The following NRXN3 variants were observed in gnomAD, a reference collection of about 807,000 sequenced individuals.
NRXN3 encodes the protein neurexin 3.
NRXN3 carries 32 observed loss-of-function variants against 137.6 expected under a neutral mutation model. The observed-to-expected ratio is 0.23, with a 90% CI of 0.18 to 0.31. The LOEUF is 0.31. Among genes scored for constraint, NRXN3 ranks in the 10% least tolerant of loss-of-function variants. The pLI, the probability that NRXN3 is intolerant of heterozygous loss-of-function variation, is 1.00. For synonymous variants in NRXN3, 798 were observed against 784.5 expected (o/e 1.02, Z -0.29); for missense variants, 1,574 against 2,062.5 (o/e 0.76, Z 4.59).
chr14:79,570,027 T>G (rs1295958274), intron 16 of NRXN3, among the ~76,000 whole-genome samples: 1 of 152,180 alleles, frequency 6.6e-6, no homozygotes, highest in Non-Finnish European at 1.5e-5. Context: ...AAAGCATTAA[T>G]TCTTGTCATT....
intron 10 of NRXN3, among the ~76,000 whole-genome samples, chr14:78,830,296 A>T (rs1438840912): frequency 3.9e-5 from 6 of 152,088 alleles, no homozygotes; most frequent in African/African-American, 1.4e-4. Flanking sequence ...CAAACTGGTG[A>T]TATCTTAATT....
intron 4 of NRXN3, among the ~76,000 whole-genome samples, chr14:78,320,361 A>T (rs746516426): frequency 1.5e-4 from 23 of 152,222 alleles, no homozygotes; most frequent in Non-Finnish European, 2.9e-4. Flanking sequence ...TTATTTCATC[A>T]CTGGGGTCCT....
intron 8 of NRXN3, among the ~76,000 whole-genome samples, chr14:78,797,659 A>G (rs1193265776): frequency 6.6e-6 from 1 of 152,204 alleles, no homozygotes; most frequent in Non-Finnish European, 1.5e-5. Context: ...GAGTTGGCAG[A>G]AGATAAAATA....
At chr14:78,645,460 T>C (rs1255397854) in intron 5 of NRXN3, 39 bp downstream of exon 5, 1 of 1,512,942 alleles carries the variant, frequency 6.6e-7, no homozygotes, top group Non-Finnish European at 8.8e-7. Flanking sequence ...AAGGCTCATC[T>C]TAGGTGGCTG....
At chr14:79,843,730 C>G (rs1217307892) in intron 20 of NRXN3, among the ~76,000 whole-genome samples, 2 of 152,168 alleles carry the variant, frequency 1.3e-5, no homozygotes, top group Admixed American at 1.3e-4. Flanking sequence ...CCATAAGAAG[C>G]AACTCCTTAA....
chr14:78,621,689 G>A (rs934523820), intron 4 of NRXN3, among the ~76,000 whole-genome samples: 19 of 152,232 alleles, frequency 1.2e-4, no homozygotes, highest in African/African-American at 4.6e-4. Flanking sequence ...TTGTACATAA[G>A]TACTGTCGTC....
intron 4 of NRXN3, among the ~76,000 whole-genome samples, chr14:78,626,285 G>A (rs1456974514): frequency 6.6e-6 from 1 of 152,152 alleles, no homozygotes; most frequent in Non-Finnish European, 1.5e-5. Context: ...GGATTGCACT[G>A]CAAATATGTC....
intron 16 of NRXN3, among the ~76,000 whole-genome samples, chr14:79,518,284 T>C (rs1245220721): frequency 1.3e-5 from 2 of 152,134 alleles, no homozygotes; most frequent in Non-Finnish European, 2.9e-5. Flanking sequence ...TGTTAGCATA[T>C]GTATATATAA....
chr14:78,446,582 T>C lies in NRXN3; in HGVS notation c.757+148722T>C, dbSNP rs2094426472. Among the ~76,000 whole-genome samples, 3 of 152,364 alleles carry C rather than the reference T, an allele frequency of 2.0e-5. No individual in the cohort carries two copies. In the South Asian group the frequency reaches 6.2e-4, roughly 32 times the overall value. ...ACTTAGTAGACATTAATTGATGTTG[T>C]TGCTACTGTGTTCACATTTGATAGT... is the stretch of plus-strand genomic sequence containing the variant. On this transcript the variant is annotated intron_variant, in intron 4 of 20. Coordinates refer to ENST00000335750, the MANE Select transcript of NRXN3 (RefSeq NM_001330195.2).
At chr14:79,634,622 C>T (rs995722994) in intron 16 of NRXN3, among the ~76,000 whole-genome samples, 26 of 152,118 alleles carry the variant, frequency 1.7e-4, no homozygotes, top group African/African-American at 5.3e-4. Flanking sequence ...AGACTCAAAG[C>T]GGTTAAGGGA....
chr14:79,040,349 G>A (rs1227558820), intron 15 of NRXN3, among the ~76,000 whole-genome samples: 4 of 152,214 alleles, frequency 2.6e-5, no homozygotes, highest in Non-Finnish European at 5.9e-5. Context: ...TACTTCTAAC[G>A]CTAAGAAAAG....
chr14:78,590,252 G>A (rs529514397), intron 4 of NRXN3, among the ~76,000 whole-genome samples: 65 of 152,304 alleles, frequency 4.3e-4, no homozygotes, highest in African/African-American at 1.3e-3. Flanking sequence ...CATGGGGCCT[G>A]TAGAAGTAAT....
At position 78,437,497 on chromosome 14, in the gene NRXN3, C is replaced by T. The variant is rs570823178; in HGVS notation, c.757+139637C>T. Among the ~76,000 whole-genome samples the T allele has an allele frequency of 5.9e-5, 9 of 152,146 alleles. No homozygotes were observed. In the South Asian group the frequency reaches 8.3e-4, roughly 14 times the overall value. ...CTGAGTAGCTGGGATTACAGGCATG[C>T]GCCATGATGCCCGGCTAAGTTTTGT... On this transcript the variant is annotated intron_variant, in intron 4 of 20. Transcript: ENST00000335750.
intron 19 of NRXN3, among the ~76,000 whole-genome samples, chr14:79,736,440 T>C (rs1412588217): frequency 6.6e-6 from 1 of 152,178 alleles, no homozygotes; most frequent in African/African-American, 2.4e-5. Flanking sequence ...TGCTTGAAGA[T>C]GGTTTAAGCC....
chr14:78,939,986 C>T (rs1467628323), intron 10 of NRXN3, among the ~76,000 whole-genome samples: 3 of 152,210 alleles, frequency 2.0e-5, no homozygotes, highest in South Asian at 2.1e-4. Flanking sequence ...AGCAAACACA[C>T]GTTGCAGCCT....
At chr14:78,342,015 AT>A (rs2082203351) in intron 4 of NRXN3, among the ~76,000 whole-genome samples, 1 of 152,164 alleles carries the variant, frequency 6.6e-6, no homozygotes, top group Non-Finnish European at 1.5e-5. Context: ...TAAAATACTC[AT>A]GTTACTGAAA....
chr14:79,790,178 T>C (rs958352991), intron 19 of NRXN3, among the ~76,000 whole-genome samples: 1 of 152,110 alleles, frequency 6.6e-6, no homozygotes, highest in Non-Finnish European at 1.5e-5. Context: ...TCACAGTCTG[T>C]AGGCTGTACA....
chr14:79,326,346 T>G (rs1270221013), intron 15 of NRXN3, among the ~76,000 whole-genome samples: 2 of 152,168 alleles, frequency 1.3e-5, no homozygotes, highest in African/African-American at 4.8e-5. Context: ...TAGATATATG[T>G]GTATATATTG....
intron 10 of NRXN3, among the ~76,000 whole-genome samples, chr14:78,853,468 T>C (rs1036417756): frequency 6.6e-6 from 1 of 152,190 alleles, no homozygotes; most frequent in African/African-American, 2.4e-5. Flanking sequence ...TGTCAGATTA[T>C]TTCATCACCC....
Sources: gnomAD v4.1 joint callset for allele counts (sites outside exome capture counted in the v4.1 genomes callset) on GRCh38, gnomAD v4.1.1 for gene constraint, MANE v1.5 for transcripts, NCBI Gene and HGNC (gene_info 2026-07-23, HGNC 2026-07-21) for gene names.